ITFG1: variants seen among roughly 807,000 people sequenced by gnomAD.
ITFG1 encodes T-cell immunomodulatory protein.
ITFG1 carries 34 observed loss-of-function variants against 81.8 expected under a neutral mutation model. That is an observed-to-expected ratio of 0.42 (90% confidence interval 0.32 to 0.55). ITFG1 has a LOEUF of 0.55. ITFG1 is among the 20% of genes least tolerant of loss of function. ITFG1 has a pLI of 0.17. For synonymous variants in ITFG1, 285 were observed against 270.6 expected, an observed-to-expected ratio of 1.05 and a Z score of -0.52; for missense variants, 672 against 755.4, an observed-to-expected ratio of 0.89 and a Z score of 1.29.
intron 10 of ITFG1, among the ~76,000 whole-genome samples, chr16:47,261,353 T>C (rs1329835239): frequency 1.3e-5 from 2 of 152,198 alleles, no homozygotes; most frequent in African/African-American, 4.8e-5. Context: ...GTAAGCTGTA[T>C]AATAAGAGTA....
chr16:47,401,573 G>A (rs1002615944), intron 6 of ITFG1, among the ~76,000 whole-genome samples: 21 of 152,240 alleles, frequency 1.4e-4, no homozygotes, highest in Non-Finnish European at 2.4e-4. Flanking sequence ...CAGAAGGGCA[G>A]GAGGTTGTGA....
chr16:47,415,116 ATCTTCAT>A (rs1968858269), intron 6 of ITFG1, among the ~76,000 whole-genome samples: 1 of 152,214 alleles, frequency 6.6e-6, no homozygotes, highest in East Asian at 1.9e-4. Context: ...AACCATAAAA[ATCTTCAT>A]TCTCAGCCGT....
chr16:47,327,419 G>A (rs889045030), intron 8 of ITFG1, among the ~76,000 whole-genome samples: 10 of 152,126 alleles, frequency 6.6e-5, no homozygotes, highest in East Asian at 1.9e-4. Flanking sequence ...GCATGGGCAA[G>A]GACTGCATGT....
intron 10 of ITFG1, among the ~76,000 whole-genome samples, chr16:47,274,533 G>A (rs200391519): frequency 6.6e-6 from 1 of 152,178 alleles, no homozygotes; most frequent in East Asian, 1.9e-4. Context: ...AAAAAAAACT[G>A]AAAACTTTTT....
chr16:47,301,948 C>T (rs1967083311), intron 10 of ITFG1, among the ~76,000 whole-genome samples: 1 of 152,000 alleles, frequency 6.6e-6, no homozygotes, highest in Admixed American at 6.6e-5. Context: ...TAACTCACTT[C>T]ATTAGGTATT....
intron 5 of ITFG1, among the ~76,000 whole-genome samples, chr16:47,450,977 C>G (rs1408004340): frequency 6.6e-6 from 1 of 152,174 alleles, no homozygotes; most frequent in Non-Finnish European, 1.5e-5. Context: ...GCTTATATTA[C>G]TAGACCGTTA....
chr16:47,443,458 T>C (rs898747022), intron 5 of ITFG1, among the ~76,000 whole-genome samples: 3 of 152,172 alleles, frequency 2.0e-5, no homozygotes, highest in Non-Finnish European at 2.9e-5. Flanking sequence ...CGTATGTTTA[T>C]TGCGACACTA....
intron 5 of ITFG1, among the ~76,000 whole-genome samples, chr16:47,432,948 G>A (rs749884176): frequency 6.6e-6 from 1 of 152,110 alleles, no homozygotes; most frequent in Non-Finnish European, 1.5e-5. Flanking sequence ...TCCTAATTTT[G>A]CCATCAAATT....
chr16:47,316,709 C>T (rs954897248), intron 8 of ITFG1, among the ~76,000 whole-genome samples: 1 of 152,126 alleles, frequency 6.6e-6, no homozygotes, highest in Non-Finnish European at 1.5e-5. Context: ...ATTTGCATAT[C>T]TTTTAAATCT....
At chr16:47,180,751 C>T (rs922799409) in intron 14 of ITFG1, among the ~76,000 whole-genome samples, 4 of 152,178 alleles carry the variant, frequency 2.6e-5, no homozygotes, top group African/African-American at 7.2e-5. Flanking sequence ...ACCTCCCAGC[C>T]GCCTGCCTTG....
chr16:47,340,073 A>T (rs1406841132), intron 8 of ITFG1, among the ~76,000 whole-genome samples: 1 of 152,214 alleles, frequency 6.6e-6, no homozygotes, highest in East Asian at 1.9e-4. Context: ...ACACTCAAAG[A>T]AAAACAGTAA....
At chr16:47,459,006 C>A in intron 2 of ITFG1, 97 bp downstream of exon 2, 1 of 774,730 alleles carries the variant, frequency 1.3e-6, no homozygotes, top group Non-Finnish European at 2.2e-6. Context: ...TGCATCCCAA[C>A]ACTAAGGCTG....
intron 6 of ITFG1, among the ~76,000 whole-genome samples, chr16:47,378,420 G>A (rs1330175240): frequency 2.0e-5 from 3 of 152,158 alleles, no homozygotes; most frequent in Non-Finnish European, 4.4e-5. Flanking sequence ...AGAGGGAGTG[G>A]TGTAACTACC....
intron 6 of ITFG1, among the ~76,000 whole-genome samples, chr16:47,410,227 TG>T (rs1308688729): frequency 1.3e-5 from 2 of 152,094 alleles, no homozygotes; most frequent in Admixed American, 6.6e-5. Flanking sequence ...TCCTGTGAGC[TG>T]TGATGGTGCC....
At chr16:47,428,127 G>A (rs1969047009) in intron 6 of ITFG1, among the ~76,000 whole-genome samples, 1 of 152,122 alleles carries the variant, frequency 6.6e-6, no homozygotes, top group African/African-American at 2.4e-5. Flanking sequence ...AACAGAGTGA[G>A]ACCCTCTCAA....
chr16:47,211,724 T>A (rs1341488777), intron 14 of ITFG1, among the ~76,000 whole-genome samples: 2 of 152,202 alleles, frequency 1.3e-5, no homozygotes, highest in Non-Finnish European at 2.9e-5. Context: ...TCATGAATAG[T>A]TTAAACTTCA....
At chr16:47,303,492 C>T (rs540766168) in intron 10 of ITFG1, among the ~76,000 whole-genome samples, 39 of 918 alleles carry the variant, frequency 0.042, no homozygotes, top group African/African-American at 0.05. Context: ...ATCTATCAGC[C>T]TTAGGGGGGA....
intron 8 of ITFG1, among the ~76,000 whole-genome samples, chr16:47,330,565 G>C (rs982816025): frequency 6.6e-6 from 1 of 152,026 alleles, no homozygotes; most frequent in African/African-American, 2.4e-5. Flanking sequence ...GAAAATATTT[G>C]CAAACTATGC....
intron 10 of ITFG1, among the ~76,000 whole-genome samples, chr16:47,278,494 G>A (rs918214559): frequency 6.6e-6 from 1 of 152,162 alleles, no homozygotes; most frequent in Non-Finnish European, 1.5e-5. Context: ...TTATGCACAA[G>A]TGTCCATGGT....
Sources: allele counts gnomAD v4.1 joint callset (sites outside exome capture counted in the v4.1 genomes callset), GRCh38; gene constraint gnomAD v4.1.1; transcripts MANE v1.5; gene names NCBI Gene and HGNC (gene_info 2026-07-23, HGNC 2026-07-21).